STARD13: variants seen among roughly 807,000 people sequenced by gnomAD.
STARD13 encodes StAR related lipid transfer domain containing 13.
A neutral mutation model predicts 106.4 loss-of-function variants in STARD13; 62 were observed. The observed-to-expected ratio is 0.58, with a 90% CI of 0.48 to 0.72. The LOEUF (loss-of-function observed/expected upper bound fraction) is 0.72. Ranked by LOEUF, STARD13 falls within the 30% of genes least tolerant of loss-of-function variation. STARD13 has a pLI of 0.00. For synonymous variants in STARD13, 565 were observed against 553.0 expected, an observed-to-expected ratio of 1.02 and a Z score of -0.31; for missense variants, 1,387 against 1,424.0, an observed-to-expected ratio of 0.97 and a Z score of 0.42.
At chr13:33,614,113 A>T in the STARD13 span, among the ~76,000 whole-genome samples, 4 of 152,166 alleles carry the variant, frequency 2.6e-5, no homozygotes, top group Non-Finnish European at 5.9e-5. Context: ...ATTAAAGCAG[A>T]GCTGATCTGG....
intron 1 of STARD13, among the ~76,000 whole-genome samples, chr13:33,274,779 T>C (rs1311766532): frequency 6.6e-6 from 1 of 152,148 alleles, no homozygotes; most frequent in Non-Finnish European, 1.5e-5. Context: ...TTTGAAAAGA[T>C]GGCTGTTAAA....
intron 1 of STARD13, among the ~76,000 whole-genome samples, chr13:33,342,853 T>C (rs2077975638): frequency 6.6e-6 from 1 of 152,268 alleles, no homozygotes; most frequent in Admixed American, 6.5e-5. Context: ...TACGTGCGTA[T>C]GTACTAATAG....
chr13:33,468,859 C>T, the STARD13 span, among the ~76,000 whole-genome samples: 5 of 152,172 alleles, frequency 3.3e-5, no homozygotes, highest in African/African-American at 1.2e-4. Context: ...GACATGGCAA[C>T]TTCCTTGCTA....
At chr13:33,419,479 A>C in the STARD13 span, among the ~76,000 whole-genome samples, 1 of 152,224 alleles carries the variant, frequency 6.6e-6, no homozygotes, top group Non-Finnish European at 1.5e-5. Flanking sequence ...TGAAAAGACC[A>C]AATCTACATT....
At chr13:33,435,637 A>T in the STARD13 span, among the ~76,000 whole-genome samples, 5 of 152,230 alleles carry the variant, frequency 3.3e-5, no homozygotes, top group African/African-American at 1.2e-4. Context: ...TGAAATAGTT[A>T]TAAATTTACT....
At chr13:33,115,911 A>G (rs974506148) in intron 8 of STARD13, among the ~76,000 whole-genome samples, 4 of 152,222 alleles carry the variant, frequency 2.6e-5, no homozygotes, top group African/African-American at 9.6e-5. Flanking sequence ...CCCTGGCATC[A>G]CTGAGCTGCG....
chr13:33,139,911 G>A (rs966774013), intron 4 of STARD13, among the ~76,000 whole-genome samples: 1 of 152,162 alleles, frequency 6.6e-6, no homozygotes, highest in Non-Finnish European at 1.5e-5. Flanking sequence ...AGTAGGTGGA[G>A]ACCACATGTC....
At chr13:33,235,630 T>A (rs1199701589) in intron 1 of STARD13, among the ~76,000 whole-genome samples, 1 of 152,298 alleles carries the variant, frequency 6.6e-6, no homozygotes, top group South Asian at 2.1e-4. Context: ...ACCAGAAAAG[T>A]CTGGTAGCCC....
intron 11 of STARD13, 66 bp downstream of exon 11, chr13:33,110,620 A>G (rs1874393913): frequency 7.0e-7 from 1 of 1,437,764 alleles, no homozygotes; most frequent in Non-Finnish European, 9.8e-7. Context: ...TTTCAATGCA[A>G]AAACAAATGT....
intron 1 of STARD13, among the ~76,000 whole-genome samples, chr13:33,241,963 C>A (rs973434034): frequency 5.3e-5 from 8 of 152,230 alleles, no homozygotes; most frequent in Admixed American, 1.3e-4. Context: ...GGCCGCCACC[C>A]CGTCTGGGAA....
intron 1 of STARD13, among the ~76,000 whole-genome samples, chr13:33,323,307 A>G (rs566066187): frequency 2.0e-5 from 3 of 152,174 alleles, no homozygotes; most frequent in East Asian, 3.9e-4. Context: ...CCTTTCTCCT[A>G]TGGAATTTAC....
At chr13:33,399,131 C>T in the STARD13 span, among the ~76,000 whole-genome samples, 4 of 152,032 alleles carry the variant, frequency 2.6e-5, no homozygotes, top group Non-Finnish European at 5.9e-5. Context: ...TATATATATT[C>T]ACACAATGGA....
At chr13:33,387,712 G>A in the STARD13 span, among the ~76,000 whole-genome samples, 1 of 152,220 alleles carries the variant, frequency 6.6e-6, no homozygotes, top group Non-Finnish European at 1.5e-5. Flanking sequence ...AAAGCCTGAT[G>A]TTAGTATAAC....
At chr13:33,351,640 G>C (rs1292031623), upstream of STARD13, among the ~76,000 whole-genome samples, 2 of 152,172 alleles carry the variant, frequency 1.3e-5, no homozygotes, top group African/African-American at 4.8e-5. Flanking sequence ...CTCAGGTTTG[G>C]GGAGGGGAAC....
intron 13 of STARD13, among the ~76,000 whole-genome samples, chr13:33,106,043 C>T (rs543127398): frequency 6.6e-6 from 1 of 152,218 alleles, no homozygotes; most frequent in Admixed American, 6.5e-5. Flanking sequence ...GGTTTAGCAT[C>T]ATGAATGCCT....
the STARD13 span, among the ~76,000 whole-genome samples, chr13:33,547,933 T>C: frequency 1.6e-4 from 25 of 152,148 alleles, no homozygotes; most frequent in Non-Finnish European, 1.3e-4. Context: ...GGAATACTAG[T>C]TATTGAACAA....
At chr13:33,675,414 C>A in the STARD13 span, among the ~76,000 whole-genome samples, 11,797 of 152,206 alleles carry the variant, frequency 0.078, 922 homozygotes, top group East Asian at 0.25. Flanking sequence ...CAGGCCAAGA[C>A]TCCACTACTG....
the STARD13 span, among the ~76,000 whole-genome samples, chr13:33,468,635 C>A: frequency 6.6e-6 from 1 of 151,114 alleles, no homozygotes; most frequent in Admixed American, 6.6e-5. Flanking sequence ...CATGGGATGG[C>A]AAAGCAAGAA....
At chr13:33,180,089 C>CTCTTTCT (rs1210641795) in intron 1 of STARD13, among the ~76,000 whole-genome samples, 10 of 152,216 alleles carry the variant, frequency 6.6e-5, no homozygotes, top group African/African-American at 2.4e-4. Flanking sequence ...TTTCATGATA[C>CTCTTTCT]TCTTTCTGGT....
Sources: gnomAD v4.1 joint callset for allele counts (sites outside exome capture counted in the v4.1 genomes callset) on GRCh38, gnomAD v4.1.1 for gene constraint, MANE v1.5 for transcripts, NCBI Gene and HGNC (gene_info 2026-07-23, HGNC 2026-07-21) for gene names.